FOXR2: variants seen among roughly 807,000 people sequenced by gnomAD.
FOXR2 encodes the protein forkhead box R2.
For missense variants in FOXR2, 234 were observed against 227.1 expected (o/e 1.03, Z -0.20); for synonymous variants, 109 against 84.1 (o/e 1.30, Z -1.62).
At position 55,623,917 on chromosome X, in the gene FOXR2, G is replaced by T; in HGVS notation, c.206G>T (p.Gly69Val). The T allele has an allele frequency of 8.3e-7, 1 of 1,211,532 alleles. No individual in the cohort carries two copies. Among genetic ancestry groups the T allele is most frequent in the Non-Finnish European group, 1.1e-6 (1 of 895,286 alleles). Residue 69 changes from glycine to valine, a missense_variant, in exon 1 of 1, where the codon GGA becomes GTA. Transcript: ENST00000339140. ...CAGAAGAGGAGACCCAGTCCTGATGGAGATGGTCCTCCCTGTGAACCCAAT... is the reference window on the plus strand; with the variant it reads ...CAGAAGAGGAGACCCAGTCCTGATGTAGATGGTCCTCCCTGTGAACCCAAT... ...MPQKRRPSPD[G>V]DGPPCEPNLW...
Position 55,624,602 on chromosome X carries a change from G to A in FOXR2, c.891G>A (p.Glu297=), listed in dbSNP as rs780461913. The change falls in exon 1 of 1, where the codon GAG becomes GAA. Residue 297 remains glutamate (E), a synonymous_variant. Transcript: ENST00000339140. ...TTGCTCAAAGGGAGAGAATCCAAGAGTGCATGAGTCAGCCAGAGTTGTTGA... is the reference window on the plus strand; with the variant it reads ...TTGCTCAAAGGGAGAGAATCCAAGAATGCATGAGTCAGCCAGAGTTGTTGA... The part of the protein sequence containing the change: ...LAFAQRERIQ[E]CMSQPELLTS... 15 of 1,209,336 alleles carry A rather than the reference G, an allele frequency of 1.2e-5. No homozygotes were observed. The African/African-American group carries it at 2.6e-4, about 21-fold the overall frequency.
At position 55,623,665 on chromosome X, in the gene FOXR2, A is replaced by G. The variant is rs1284420773; in HGVS notation, c.-47A>G. The G allele has an allele frequency of 1.0e-6, 1 of 983,104 alleles. No individual in the cohort carries two copies. Among genetic ancestry groups the G allele is most frequent in the Admixed American group, 2.5e-5 (1 of 40,580 alleles). The allele number at this position is 983,104 out of a possible 1,213,427, so 81.0% of individuals were successfully genotyped here. A position where few individuals can be genotyped will look rare whatever the true frequency, so the allele number is the denominator to read the frequency against. On this transcript the variant is annotated 5_prime_UTR_variant, in exon 1 of 1. Coordinates refer to ENST00000339140, the MANE Select transcript of FOXR2 (RefSeq NM_198451.4). ...AAGGACAGCTTTAAGTGCCTGCTAGATATCTGTTCTTTCAGAAGTCTCTCT... is the reference window on the plus strand; with the variant it reads ...AAGGACAGCTTTAAGTGCCTGCTAGGTATCTGTTCTTTCAGAAGTCTCTCT...
chrX:55,624,766 T>C lies in FOXR2; in HGVS notation c.*119T>C, dbSNP rs1232360352. ...GTGCCAAGTCTGTCTTTAGCTACTG[T>C]TACAATAATGGTGTTAAGTAAAGTT... On this transcript the variant is annotated 3_prime_UTR_variant, in exon 1 of 1. Coordinates refer to ENST00000339140, the MANE Select transcript of FOXR2 (RefSeq NM_198451.4). The C allele has an allele frequency of 1.9e-6, 1 of 536,838 alleles. No individual in the cohort carries two copies. The highest frequency in any genetic ancestry group is 2.3e-5 in the African/African-American group (1 of 42,683). 44.2% of individuals were successfully genotyped at this position (536,838 alleles called of 1,213,427 possible).
rs1409266781 is a variant in FOXR2 at position 55,624,350 on chromosome X, C to T, written c.639C>T (p.Leu213=). ...LALRNNPHCG[L]SVQEIYNFTR... is the part of the protein sequence containing the mutation. ...TAAGAAACAACCCCCACTGTGGCCT[C>T]AGTGTGCAGGAGATCTACAATTTCA... The change falls in exon 1 of 1, where the codon CTC becomes CTT. Residue 213 remains leucine, a synonymous_variant. Coordinates refer to ENST00000339140, the MANE Select transcript of FOXR2 (RefSeq NM_198451.4). The T allele has an allele frequency of 8.3e-7, 1 of 1,211,767 alleles. No individual in the cohort carries two copies. Among genetic ancestry groups the T allele is most frequent in the East Asian group, 3.0e-5 (1 of 33,821 alleles).
In FOXR2 at chrX:55,624,719, C is replaced by G. The variant is rs776712597; in HGVS notation, c.*72C>G. 8.4e-6 allele frequency: 7 copies of G among 831,383 alleles called. No homozygotes were observed. The highest frequency in any genetic ancestry group is 8.1e-5 in the African/African-American group (4 of 49,621). 68.5% of individuals were successfully genotyped at this position (831,383 alleles called of 1,213,427 possible). On this transcript the variant is annotated 3_prime_UTR_variant, in exon 1 of 1. Coordinates refer to ENST00000339140, the MANE Select transcript of FOXR2 (RefSeq NM_198451.4). ...CTTATCCCCTGACATTCATTAATCT[C>G]TAAACTTACCCAGCCTGGTTGGTGC... is the stretch of plus-strand genomic sequence containing the variant.
chrX:55,624,122 G>A lies in FOXR2; in HGVS notation c.411G>A (p.Glu137=). ...VVESLPSSSS[E]QSPLQKQGIH... is the part of the protein sequence containing the mutation. ...AGTCTCTGCCATCTTCCTCCAGTGAGCAGTCTCCTTTACAGAAGCAGGGTA... is the reference window on the plus strand; with the variant it reads ...AGTCTCTGCCATCTTCCTCCAGTGAACAGTCTCCTTTACAGAAGCAGGGTA... Residue 137 remains glutamate, a synonymous_variant, in exon 1 of 1, where the codon GAG becomes GAA. Coordinates refer to ENST00000339140, the MANE Select transcript of FOXR2 (RefSeq NM_198451.4). 1.7e-6 allele frequency: 2 copies of A among 1,211,992 alleles called. No homozygotes were observed. Among genetic ancestry groups the A allele is most frequent in the Non-Finnish European group, 2.2e-6 (2 of 895,555 alleles).
rs368304758 is a variant in FOXR2 at position 55,624,389 on chromosome X, C to T, written c.678C>T (p.Phe226=). 1.8e-5 allele frequency: 22 copies of T among 1,210,762 alleles called. No individual in the cohort carries two copies. The Middle Eastern group carries it at 9.1e-4, about 50-fold the overall frequency. ...TCTACAATTTCACCCGACAGCATTT[C>T]CCCTTTTTCTGGACAGCTCCGGATG... ...QEIYNFTRQH[F]PFFWTAPDGW... is the part of the protein sequence containing the mutation. Residue 226 remains phenylalanine (F), a synonymous_variant, in exon 1 of 1, where the codon TTC becomes TTT. Transcript: ENST00000339140.
rs2032333558 is a variant in FOXR2 at position 55,625,481 on chromosome X, A to G, written c.*834A>G. Among the ~76,000 whole-genome samples, 3 of 111,563 alleles carry G rather than the reference A, an allele frequency of 2.7e-5. No homozygotes were observed. In the South Asian group the frequency reaches 1.1e-3, roughly 42 times the overall value. ...GAAATTGACATGGAAATGGGGAGAC[A>G]TTCTTCCTGGGAAAGACATGAAAGG... On this transcript the variant is annotated 3_prime_UTR_variant, in exon 1 of 1. Coordinates refer to ENST00000339140, the MANE Select transcript of FOXR2 (RefSeq NM_198451.4).
At position 55,623,512 on chromosome X, in the gene FOXR2, G is replaced by T; in HGVS notation, c.-200G>T. ...CTTCCATGTTTTGAGCCTTGTTCCA[G>T]AAAGCTGAGGTTTCTCCAGGTCTGA... On this transcript the variant is annotated 5_prime_UTR_variant, in exon 1 of 1. It introduces an in-frame stop codon into an upstream open reading frame of the 5' UTR. Coordinates refer to ENST00000339140, the MANE Select transcript of FOXR2 (RefSeq NM_198451.4). 3.2e-6 allele frequency: 1 copy of T among 316,810 alleles called. No individual in the cohort carries two copies. The allele number at this position is 316,810 out of a possible 1,213,427, so 26.1% of individuals were successfully genotyped here.
At position 55,625,311 on chromosome X, in the gene FOXR2, C is replaced by A. The variant is rs73489626; in HGVS notation, c.*664C>A. The A allele has an allele frequency of 8.2e-6, 1 of 122,269 alleles. No individual in the cohort carries two copies. The highest frequency in any genetic ancestry group is 3.8e-4 in the South Asian group (1 of 2,648). 10.1% of individuals were successfully genotyped at this position (122,269 alleles called of 1,213,427 possible). A position where few individuals can be genotyped will look rare whatever the true frequency, so the allele number is the denominator to read the frequency against. ...AACCCCAAGCCTTTTGATGATAAAG[C>A]TTTATTTTCTATTATTTTTAGTTCT... is the stretch of plus-strand genomic sequence containing the variant. On this transcript the variant is annotated 3_prime_UTR_variant, in exon 1 of 1. Transcript: ENST00000339140.
chrX:55,624,270 G>A lies in FOXR2; in HGVS notation c.559G>A (p.Glu187Lys), dbSNP rs767038170. The change falls in exon 1 of 1, where the codon GAG (glutamate) becomes AAG (lysine). Residue 187 changes from glutamate (E) to lysine (K), a missense_variant. By Grantham distance (56) the Glu-to-Lys change is moderately conservative. Transcript: ENST00000339140. ...SQKLWQINNQ[E>K]KSWQRPPLNC... ...GAAACTATGGCAAATCAACAACCAA[G>A]AGAAGTCCTGGCAAAGGCCCCCTCT... is the stretch of plus-strand genomic sequence containing the variant. 2 of 1,210,631 alleles carry A rather than the reference G, an allele frequency of 1.7e-6. No individual in the cohort carries two copies. The highest frequency in any genetic ancestry group is 2.2e-6 in the Non-Finnish European group (2 of 895,379).
chrX:55,624,437 C>A lies in FOXR2; in HGVS notation c.726C>A (p.Tyr242Ter). ...APDGWKSTIH[Y>*]NLCFLDSFEK... ...ATGGCTGGAAGAGCACCATTCATTA[C>A]AACCTCTGCTTCCTGGACAGCTTTG... Residue 242 changes from tyrosine to a stop codon, truncating the protein, a stop_gained, in exon 1 of 1, where the codon TAC becomes TAA. Coordinates refer to ENST00000339140, the MANE Select transcript of FOXR2 (RefSeq NM_198451.4). LOFTEE classifies it low-confidence loss of function (END_TRUNC). The A allele has an allele frequency of 2.5e-6, 3 of 1,211,870 alleles. No individual in the cohort carries two copies. The highest frequency in any genetic ancestry group is 3.4e-6 in the Non-Finnish European group (3 of 895,418).
Position 55,624,901 on chromosome X carries a change from A to G in FOXR2, c.*254A>G, listed in dbSNP as rs1342744202. On this transcript the variant is annotated 3_prime_UTR_variant, in exon 1 of 1. Coordinates refer to ENST00000339140, the MANE Select transcript of FOXR2 (RefSeq NM_198451.4). ...TTTTGAGCAAAGGAAAAGAAATCCT[A>G]GAAACAATGGCATAGAAACTAAGGA... The G allele has an allele frequency of 2.8e-6, 1 of 353,814 alleles. No individual in the cohort carries two copies. Among genetic ancestry groups the G allele is most frequent in the Non-Finnish European group, 5.0e-6 (1 of 198,284 alleles). The allele number at this position is 353,814 out of a possible 1,213,427, so 29.2% of individuals were successfully genotyped here.
rs1173993767 is a variant in FOXR2, at chrX:55,623,853, A to G, written c.142A>G (p.Lys48Glu). 1 of 1,211,678 alleles carries G rather than the reference A, an allele frequency of 8.3e-7. No homozygotes were observed. Among genetic ancestry groups the G allele is most frequent in the Non-Finnish European group, 1.1e-6 (1 of 895,460 alleles). ...QCSLAEQILAKYRVGVMKPPE... is the reference protein window; with the variant it reads ...QCSLAEQILAEYRVGVMKPPE... ...CTCTTTAGCTGAGCAAATCCTTGCC[A>G]AATACAGAGTCGGAGTAATGAAGCC... Residue 48 changes from lysine (K) to glutamate (E), a missense_variant, in exon 1 of 1, where the codon AAA becomes GAA. Transcript: ENST00000339140.
In FOXR2 at chrX:55,623,817, A is replaced by G; in HGVS notation, c.106A>G (p.Thr36Ala). The G allele has an allele frequency of 8.3e-7, 1 of 1,211,281 alleles. No homozygotes were observed. ...MRNELFLPCT[T>A]DQCSLAEQIL... is the part of the protein sequence containing the mutation. ...GAATGAGTTATTTCTGCCTTGTACCACAGACCAGTGCTCTTTAGCTGAGCA... is the reference window on the plus strand; with the variant it reads ...GAATGAGTTATTTCTGCCTTGTACCGCAGACCAGTGCTCTTTAGCTGAGCA... Residue 36 changes from threonine to alanine, a missense_variant, in exon 1 of 1, where the codon ACA becomes GCA. Transcript: ENST00000339140.
chrX:55,624,851 C>A lies in FOXR2; in HGVS notation c.*204C>A, dbSNP rs750582683. The A allele has an allele frequency of 5.4e-6, 2 of 369,648 alleles. No homozygotes were observed. Among genetic ancestry groups the A allele is most frequent in the South Asian group, 9.7e-5 (1 of 10,339 alleles). The allele number at this position is 369,648 out of a possible 1,213,427, so 30.5% of individuals were successfully genotyped here. ...AGGTGGAGAGTCATGGAAAGTCGCA[C>A]GAGGAGAGTGGCTGTTGTTCCAAAT... On this transcript the variant is annotated 3_prime_UTR_variant, in exon 1 of 1. Coordinates refer to ENST00000339140, the MANE Select transcript of FOXR2 (RefSeq NM_198451.4).
At position 55,624,693 on chromosome X, in the gene FOXR2, A is replaced by T. The variant is rs775337290; in HGVS notation, c.*46A>T. 2 of 986,401 alleles carry T rather than the reference A, an allele frequency of 2.0e-6. No individual in the cohort carries two copies. Among genetic ancestry groups the T allele is most frequent in the South Asian group, 4.4e-5 (2 of 45,137 alleles). The allele number at this position is 986,401 out of a possible 1,213,427, so 81.3% of individuals were successfully genotyped here. A position where few individuals can be genotyped will look rare whatever the true frequency, so the allele number is the denominator to read the frequency against. On this transcript the variant is annotated 3_prime_UTR_variant, in exon 1 of 1. Transcript: ENST00000339140. ...GAACACTGCCTTCCTTACTGTGCCTACTTATCCCCTGACATTCATTAATCT... is the reference window on the plus strand; with the variant it reads ...GAACACTGCCTTCCTTACTGTGCCTTCTTATCCCCTGACATTCATTAATCT...
Position 55,625,714 on chromosome X carries a change from C to G in FOXR2, c.*1067C>G, listed in dbSNP as rs994324501. Among the ~76,000 whole-genome samples, 1 of 110,188 alleles carries G rather than the reference C, an allele frequency of 9.1e-6. No homozygotes were observed. Among genetic ancestry groups the G allele is most frequent in the Non-Finnish European group, 1.9e-5 (1 of 52,742 alleles). The stretch of plus-strand genomic sequence containing the variant: ...ACTTCATCTTGTGGGTTTTTAGGAG[C>G]CAAGAGACATCAGTGGAGTTTTGCT... On this transcript the variant is annotated 3_prime_UTR_variant, in exon 1 of 1. Coordinates refer to ENST00000339140, the MANE Select transcript of FOXR2 (RefSeq NM_198451.4).
chrX:55,623,763 G>T lies in FOXR2; in HGVS notation c.52G>T (p.Val18Phe), dbSNP rs777447715. 5 of 1,211,509 alleles carry T rather than the reference G, an allele frequency of 4.1e-6. No homozygotes were observed. Among genetic ancestry groups the T allele is most frequent in the Non-Finnish European group, 5.6e-6 (5 of 895,138 alleles). Residue 18 changes from valine (V) to phenylalanine (F), a missense_variant, in exon 1 of 1, where the codon GTC becomes TTC. Val to Phe is a conservative substitution (Grantham distance 50, BLOSUM62 -1). Transcript: ENST00000339140. The stretch of plus-strand genomic sequence containing the variant: ...ATTTTGGTATAGTCTCCATGGCCAG[G>T]TCCCAGGGCTGCTGGACTGGGACAT... ...CEFWYSLHGQ[V>F]PGLLDWDMRN... is the part of the protein sequence containing the mutation.
Sources: gnomAD v4.1 joint callset for allele counts (sites outside exome capture counted in the v4.1 genomes callset) on GRCh38, gnomAD v4.1.1 for gene constraint, MANE v1.5 for transcripts, NCBI Gene and HGNC (gene_info 2026-07-23, HGNC 2026-07-21) for gene names.